RASAL2: variants seen among roughly 807,000 people sequenced by gnomAD.
RASAL2 encodes RAS protein activator like 2.
A neutral mutation model predicts 128.9 loss-of-function variants in RASAL2; 58 were observed. The observed-to-expected ratio is 0.45, with a 90% CI of 0.36 to 0.56. The LOEUF (loss-of-function observed/expected upper bound fraction) is 0.56. RASAL2 is among the 20% of genes least tolerant of loss of function. RASAL2 has a pLI of 0.00. For synonymous variants in RASAL2, 561 were observed against 580.8 expected, an observed-to-expected ratio of 0.97 and a Z score of 0.49; for missense variants, 1,360 against 1,601.6, an observed-to-expected ratio of 0.85 and a Z score of 2.57.
At chr1:178,227,495 C>T (rs1663836455) in intron 1 of RASAL2, among the ~76,000 whole-genome samples, 2 of 152,318 alleles carry the variant, frequency 1.3e-5, no homozygotes, top group South Asian at 4.1e-4. Flanking sequence ...CTACACACTT[C>T]CCTAACACCT....
chr1:178,270,142 A>G (rs980161330), intron 1 of RASAL2, among the ~76,000 whole-genome samples: 10 of 152,086 alleles, frequency 6.6e-5, no homozygotes, highest in African/African-American at 7.2e-5. Context: ...GTCCAGATCT[A>G]TTCTTATTCC....
At chr1:178,432,357 A>G (rs1675967945) in intron 5 of RASAL2, among the ~76,000 whole-genome samples, 2 of 152,044 alleles carry the variant, frequency 1.3e-5, no homozygotes, top group African/African-American at 4.8e-5. Flanking sequence ...TTCAGTGGCT[A>G]CTATTAATCC....
chr1:178,304,063 T>C (rs1275212630), intron 3 of RASAL2, among the ~76,000 whole-genome samples: 1 of 152,182 alleles, frequency 6.6e-6, no homozygotes, highest in Non-Finnish European at 1.5e-5. Flanking sequence ...ATTGAGCATA[T>C]GTGTGTTATA....
chr1:178,258,997 CATATT>C (rs1048749186), intron 1 of RASAL2, among the ~76,000 whole-genome samples: 9 of 151,602 alleles, frequency 5.9e-5, no homozygotes, highest in East Asian at 3.9e-4. Context: ...AAAGACCACA[CATATT>C]ATATGATTCC....
At chr1:178,132,253 C>T (rs973314700) in intron 1 of RASAL2, among the ~76,000 whole-genome samples, 4 of 150,690 alleles carry the variant, frequency 2.7e-5, no homozygotes, top group African/African-American at 9.8e-5. Context: ...GACAGAGTCT[C>T]ACTATGTTGC....
At chr1:178,212,648 C>A (rs892568799) in intron 1 of RASAL2, among the ~76,000 whole-genome samples, 2 of 151,972 alleles carry the variant, frequency 1.3e-5, no homozygotes, top group African/African-American at 4.8e-5. Flanking sequence ...TGCACCACCA[C>A]GCCCAACTAA....
chr1:178,254,719 A>C (rs1051257689), intron 1 of RASAL2, among the ~76,000 whole-genome samples: 1 of 152,184 alleles, frequency 6.6e-6, no homozygotes, highest in Non-Finnish European at 1.5e-5. Context: ...GGAATACAGA[A>C]GGAGAGGAGA....
In RASAL2 at chr1:178,200,680, C is replaced by T. The variant is rs7522165; in HGVS notation, c.203-82884C>T. On this transcript the variant is annotated intron_variant, in intron 1 of 17. Transcript: ENST00000367649. Reference sequence around the variant, plus strand: ...GCAACAAAAGGTGCATGGACAGCCTCGCCAGGTGTCTACTATTAAAGTGAG... The same window carrying T: ...GCAACAAAAGGTGCATGGACAGCCTTGCCAGGTGTCTACTATTAAAGTGAG... Among the ~76,000 whole-genome samples, 917 of 152,184 alleles carry T rather than the reference C, an allele frequency of 6.0e-3. 9 individuals carry two copies. The highest frequency in any genetic ancestry group is 0.021 in the African/African-American group (867 of 41,504).
At chr1:178,289,860 C>T (rs1255561249) in intron 2 of RASAL2, among the ~76,000 whole-genome samples, 3 of 152,198 alleles carry the variant, frequency 2.0e-5, no homozygotes, top group African/African-American at 7.2e-5. Flanking sequence ...CAGGCATGTT[C>T]CTCCCTAAGG....
At chr1:178,335,142 A>AT (rs897842931) in intron 3 of RASAL2, among the ~76,000 whole-genome samples, 35 of 151,210 alleles carry the variant, frequency 2.3e-4, no homozygotes, top group African/African-American at 8.3e-4. Flanking sequence ...CCACAGATCA[A>AT]TTTTTTTTTC....
chr1:178,117,471 A>G (rs1196908451), intron 1 of RASAL2, among the ~76,000 whole-genome samples: 1 of 152,242 alleles, frequency 6.6e-6, no homozygotes, highest in Non-Finnish European at 1.5e-5. Context: ...TCTTATAAAT[A>G]AAGCACAATT....
At chr1:178,358,006 A>T (rs1423945806) in intron 3 of RASAL2, among the ~76,000 whole-genome samples, 1 of 151,898 alleles carries the variant, frequency 6.6e-6, no homozygotes, top group Non-Finnish European at 1.5e-5. Context: ...GAAGCTAAGG[A>T]AGGCGGATCA....
At chr1:178,205,473 T>C (rs1170848570) in intron 1 of RASAL2, among the ~76,000 whole-genome samples, 2 of 151,888 alleles carry the variant, frequency 1.3e-5, no homozygotes, top group Non-Finnish European at 1.5e-5. Context: ...AAGACTCTTA[T>C]GGGCCGGGCG....
intron 1 of RASAL2, among the ~76,000 whole-genome samples, chr1:178,215,275 T>C (rs1316469651): frequency 2.0e-5 from 3 of 152,340 alleles, no homozygotes; most frequent in African/African-American, 7.2e-5. Flanking sequence ...GCAGTGGCCA[T>C]GTGTCTGAGA....
chr1:178,124,651 A>G (rs1659833937), intron 1 of RASAL2, among the ~76,000 whole-genome samples: 1 of 152,148 alleles, frequency 6.6e-6, no homozygotes, highest in East Asian at 1.9e-4. Context: ...GATTAAACCT[A>G]AGTTTTCTTT....
chr1:178,348,805 G>GT (rs35150239), intron 3 of RASAL2, among the ~76,000 whole-genome samples: 16,350 of 140,612 alleles, frequency 0.12, 991 homozygotes, highest in African/African-American at 0.15. Context: ...TTTCTTTTTG[G>GT]TTTTTTTTTT....
chr1:178,375,653 G>T (rs1385659921), intron 3 of RASAL2, among the ~76,000 whole-genome samples: 1 of 152,110 alleles, frequency 6.6e-6, no homozygotes, highest in African/African-American at 2.4e-5. Flanking sequence ...TGTAGCTCAG[G>T]TGAATAACAG....
At chr1:178,249,998 C>T (rs556368199) in intron 1 of RASAL2, among the ~76,000 whole-genome samples, 58 of 152,248 alleles carry the variant, frequency 3.8e-4, no homozygotes, top group African/African-American at 1.3e-3. Context: ...TCTGTCAACC[C>T]CTGTTGTGAG....
chr1:178,129,760 G>A (rs1660034182), intron 1 of RASAL2, among the ~76,000 whole-genome samples: 1 of 151,878 alleles, frequency 6.6e-6, no homozygotes, highest in South Asian at 2.1e-4. Context: ...GTATGATTAT[G>A]AGGTAAGAGC....
Sources: allele counts gnomAD v4.1 joint callset (sites outside exome capture counted in the v4.1 genomes callset), GRCh38; gene constraint gnomAD v4.1.1; transcripts MANE v1.5; gene names NCBI Gene and HGNC (gene_info 2026-07-23, HGNC 2026-07-21).